NMNAT3: variants seen among roughly 807,000 people sequenced by gnomAD.
NMNAT3 encodes nicotinamide/nicotinic acid mononucleotide adenylyltransferase 3.
A neutral mutation model predicts 24.8 loss-of-function variants in NMNAT3; 21 were observed. The observed-to-expected ratio is 0.85, with a 90% CI of 0.60 to 1.22. NMNAT3 has a LOEUF of 1.22. Among genes scored for constraint, NMNAT3 ranks in the 50% most tolerant of loss-of-function variants. The pLI is 0.00. For missense variants in NMNAT3, 387 were observed against 436.6 expected (o/e 0.89, Z 1.01); for synonymous variants, 136 against 155.2 (o/e 0.88, Z 0.92).
Position 139,630,475 on chromosome 3 carries a change from A to T in NMNAT3, c.-40-2711T>A, listed in dbSNP as rs139911310. Among the ~76,000 whole-genome samples the T allele has an allele frequency of 5.9e-3, 893 of 152,324 alleles. 12 individuals carry two copies. The highest frequency in any genetic ancestry group is 0.02 in the African/African-American group (835 of 41,572). On this transcript the variant is annotated intron_variant, in intron 2 of 6. Transcript: ENST00000643695. Reference sequence around the variant, plus strand: ...TCTGACTTACCTTTAATAAACCACAAGCGACATTTTATTGAAAAAGCCTGC... The same window carrying T: ...TCTGACTTACCTTTAATAAACCACATGCGACATTTTATTGAAAAAGCCTGC...
chr3:139,620,730 T>C (rs574829302), intron 3 of NMNAT3, among the ~76,000 whole-genome samples: 1 of 152,306 alleles, frequency 6.6e-6, no homozygotes, highest in Non-Finnish European at 1.5e-5. Context: ...CTTTTTTTTT[T>C]TGAGACAGGA....
intron 1 of NMNAT3, among the ~76,000 whole-genome samples, chr3:139,674,551 C>T (rs186250746): frequency 6.6e-5 from 10 of 152,304 alleles, no homozygotes; most frequent in Non-Finnish European, 1.0e-4. Flanking sequence ...GAAGATTTAT[C>T]GAGATGATAA....
intron 6 of NMNAT3, among the ~76,000 whole-genome samples, chr3:139,564,497 C>T (rs1936880026): frequency 6.6e-6 from 1 of 152,196 alleles, no homozygotes; most frequent in South Asian, 2.1e-4. Flanking sequence ...TCACAAAAGA[C>T]AGACAGAGTC....
At chr3:139,617,594 A>G (rs866621407) in intron 3 of NMNAT3, among the ~76,000 whole-genome samples, 1 of 152,246 alleles carries the variant, frequency 6.6e-6, no homozygotes, top group South Asian at 2.1e-4. Context: ...TTTGTTAAAT[A>G]CAGAAAATAA....
chr3:139,651,577 A>G (rs1276285061), intron 1 of NMNAT3, among the ~76,000 whole-genome samples: 2 of 152,212 alleles, frequency 1.3e-5, no homozygotes, highest in East Asian at 1.9e-4. Context: ...TCCATCAGAC[A>G]TGATGAGATT....
intron 2 of NMNAT3, chr3:139,634,353 A>G (rs1465666896): frequency 6.6e-6 from 1 of 152,244 alleles, no homozygotes; most frequent in East Asian, 1.9e-4. Flanking sequence ...TTCAGGCAGA[A>G]TGGAAATGGA....
chr3:139,582,067 T>A (rs2053646355), intron 4 of NMNAT3, among the ~76,000 whole-genome samples: 5 of 151,076 alleles, frequency 3.3e-5, no homozygotes, highest in Admixed American at 2.6e-4. Flanking sequence ...TAATGGTGTG[T>A]GCCTGTAATC....
intron 6 of NMNAT3, chr3:139,572,382 T>C (rs1938528715): frequency 2.5e-6 from 1 of 392,726 alleles, no homozygotes; most frequent in Non-Finnish European, 4.5e-6. Context: ...ATAAACATTA[T>C]ATAAGATGAT....
intron 3 of NMNAT3, among the ~76,000 whole-genome samples, chr3:139,596,417 A>C (rs2054462022): frequency 1.3e-5 from 2 of 152,182 alleles, no homozygotes; most frequent in African/African-American, 4.8e-5. Context: ...GTAGGAAATC[A>C]AACTGCTTTT....
intron 1 of NMNAT3, among the ~76,000 whole-genome samples, chr3:139,677,159 G>A (rs1353231850): frequency 6.6e-6 from 1 of 152,138 alleles, no homozygotes; most frequent in African/African-American, 2.4e-5. Flanking sequence ...TGTAGCTGGG[G>A]GCCCTGATAA....
intron 5 of NMNAT3, among the ~76,000 whole-genome samples, chr3:139,576,720 A>G (rs962867558): frequency 5.3e-5 from 8 of 152,136 alleles, no homozygotes; most frequent in African/African-American, 1.9e-4. Context: ...CCCGTGTGCA[A>G]ACTAACACTG....
At chr3:139,648,489 T>C (rs528149468) in intron 1 of NMNAT3, among the ~76,000 whole-genome samples, 1 of 152,298 alleles carries the variant, frequency 6.6e-6, no homozygotes, top group South Asian at 2.1e-4. Context: ...TGCTTAGTTC[T>C]TAAAGCAAAC....
chr3:139,570,169 C>G (rs1210031552), intron 6 of NMNAT3: 1 of 152,212 alleles, frequency 6.6e-6, no homozygotes, highest in Non-Finnish European at 1.5e-5. Context: ...TCAGGTAGCT[C>G]TCGTGCCTTG....
At chr3:139,674,187 A>G (rs1023084807) in intron 1 of NMNAT3, among the ~76,000 whole-genome samples, 2 of 152,190 alleles carry the variant, frequency 1.3e-5, no homozygotes, top group Non-Finnish European at 2.9e-5. Context: ...CTTCCACCCA[A>G]AACCTATTAC....
At chr3:139,600,992 G>A (rs1056463202) in intron 3 of NMNAT3, among the ~76,000 whole-genome samples, 4 of 152,154 alleles carry the variant, frequency 2.6e-5, no homozygotes, top group Admixed American at 2.0e-4. Flanking sequence ...GGGTCTCATG[G>A]CCCCTCAAAA....
intron 3 of NMNAT3, among the ~76,000 whole-genome samples, chr3:139,625,915 G>A (rs2056029915): frequency 6.6e-6 from 1 of 152,088 alleles, no homozygotes; most frequent in Non-Finnish European, 1.5e-5. Context: ...TGCCAGATAT[G>A]GAATGGATAT....
At position 139,622,342 on chromosome 3, in the gene NMNAT3, A is replaced by G. The variant is rs560098156; in HGVS notation, c.109+5274T>C. Among the ~76,000 whole-genome samples, 13 of 152,142 alleles carry G rather than the reference A, an allele frequency of 8.5e-5. No homozygotes were observed. In the South Asian group the frequency reaches 2.5e-3, roughly 29 times the overall value. On this transcript the variant is annotated intron_variant, in intron 3 of 6. Transcript: ENST00000643695. Reference sequence around the variant, plus strand: ...ATTTCTCTGATGATTAGTAATGTTTAGCAGTTTTTCATATACCTGATGGAC... The same window carrying G: ...ATTTCTCTGATGATTAGTAATGTTTGGCAGTTTTTCATATACCTGATGGAC...
rs1475172974 is a variant in NMNAT3 at position 139,627,674 on chromosome 3, G to A, written c.51C>T (p.Pro17=). 6.3e-7 allele frequency: 1 copy of A among 1,596,214 alleles called. No individual in the cohort carries two copies. Among genetic ancestry groups the A allele is most frequent in the Admixed American group, 1.7e-5 (1 of 59,852 alleles). The stretch of plus-strand genomic sequence containing the variant: ...ACATGCGCAGGTGCATGTTGGTGAT[G>A]GGGTTAAAGGAGCCACAGGCCAGGA... Residue 17 remains proline (P), a synonymous_variant, in exon 3 of 7, where the codon CCC becomes CCT. Coordinates refer to ENST00000643695, the MANE Select transcript of NMNAT3 (RefSeq NM_001320510.2).
intron 3 of NMNAT3, among the ~76,000 whole-genome samples, chr3:139,617,286 T>C (rs1319427621): frequency 6.6e-6 from 1 of 152,152 alleles, no homozygotes; most frequent in Non-Finnish European, 1.5e-5. Flanking sequence ...CCATGTATCC[T>C]TGCATCGAGT....
Sources: allele counts gnomAD v4.1 joint callset (sites outside exome capture counted in the v4.1 genomes callset), GRCh38; gene constraint gnomAD v4.1.1; transcripts MANE v1.5; gene names NCBI Gene and HGNC (gene_info 2026-07-23, HGNC 2026-07-21).